The following B3GALT1 variants were observed in gnomAD, a reference collection of about 807,000 sequenced individuals.
B3GALT1 encodes the protein beta-1,3-galactosyltransferase 1, also known as UDP-Gal:betaGlcNAc beta 1,3-galactosyltransferase, polypeptide 1.
In B3GALT1, 10 loss-of-function variants were observed where a neutral mutation model predicts 23.2. The observed-to-expected ratio is 0.43, with a 90% CI of 0.27 to 0.73. B3GALT1 has a LOEUF of 0.73. Among genes scored for constraint, B3GALT1 ranks in the 30% least tolerant of loss-of-function variants. B3GALT1 has a pLI of 0.21. For missense variants in B3GALT1, 299 were observed against 405.4 expected, an observed-to-expected ratio of 0.74 and a Z score of 2.25; for synonymous variants, 156 against 141.5, an observed-to-expected ratio of 1.10 and a Z score of -0.73.
At chr2:167,507,913 A>G (rs890804296) in intron 2 of B3GALT1, among the ~76,000 whole-genome samples, 6 of 152,102 alleles carry the variant, frequency 3.9e-5, no homozygotes, top group Non-Finnish European at 8.8e-5. Flanking sequence ...TCAACAACTG[A>G]AATTTATTTC....
chr2:167,850,688 C>T (rs1689861881), intron 4 of B3GALT1, among the ~76,000 whole-genome samples: 1 of 152,084 alleles, frequency 6.6e-6, no homozygotes. Context: ...ATATTGGAGA[C>T]TATTATTCTA....
At chr2:167,687,075 G>A (rs188379625) in intron 3 of B3GALT1, among the ~76,000 whole-genome samples, 91 of 152,284 alleles carry the variant, frequency 6.0e-4, no homozygotes, top group African/African-American at 1.9e-3. Context: ...TTTAGGAGAA[G>A]CTCTCTAATT....
chr2:167,492,308 AAT>A (rs1699721294), intron 2 of B3GALT1, among the ~76,000 whole-genome samples: 1 of 152,198 alleles, frequency 6.6e-6, no homozygotes, highest in Non-Finnish European at 1.5e-5. Flanking sequence ...TCTGTGGCTT[AAT>A]AGCTCATTTC....
At chr2:167,514,070 C>A (rs1190376598) in intron 2 of B3GALT1, among the ~76,000 whole-genome samples, 1 of 152,058 alleles carries the variant, frequency 6.6e-6, no homozygotes, top group African/African-American at 2.4e-5. Flanking sequence ...CCACGCCCAG[C>A]TAATTTTTTT....
rs10522850 is a variant in B3GALT1 at position 167,625,942 on chromosome 2, C to CATATATAT, written c.-409-20930_-409-20923dup. On this transcript the variant is annotated intron_variant, in intron 2 of 4. Transcript: ENST00000392690. ...ATGACAGAAAAATCAATGACTAGGC[C>CATATATAT]ATATATATATATATATATATATATA... 3.8e-3 allele frequency among the ~76,000 whole-genome samples: 450 copies of CATATATAT among 118,092 alleles called. 3 individuals carry two copies. The highest frequency in any genetic ancestry group is 6.9e-3 in the African/African-American group (191 of 27,536). The allele number at this position is 118,092 out of a possible 152,430, so 77.5% of individuals were successfully genotyped here. A position where few individuals can be genotyped will look rare whatever the true frequency, so the allele number is the denominator to read the frequency against.
At chr2:167,837,369 G>A (rs1248358698) in intron 4 of B3GALT1, among the ~76,000 whole-genome samples, 1 of 148,976 alleles carries the variant, frequency 6.7e-6, no homozygotes, top group Non-Finnish European at 1.5e-5. Context: ...AAAGGCAGGG[G>A]TTGCAATCTA....
At chr2:167,664,833 A>G (rs1574198928) in intron 3 of B3GALT1, among the ~76,000 whole-genome samples, 1 of 151,050 alleles carries the variant, frequency 6.6e-6, no homozygotes, top group African/African-American at 2.4e-5. Flanking sequence ...ACTTTGCTGA[A>G]GTTGCTTATC....
chr2:167,329,325 A>G (rs1696939075), intron 1 of B3GALT1, among the ~76,000 whole-genome samples: 1 of 152,062 alleles, frequency 6.6e-6, no homozygotes, highest in African/African-American at 2.4e-5. Context: ...AAAGTTTTTG[A>G]TATTCAGTTT....
At chr2:167,852,067 CA>C (rs1173156738) in intron 4 of B3GALT1, among the ~76,000 whole-genome samples, 2 of 152,192 alleles carry the variant, frequency 1.3e-5, no homozygotes, top group Admixed American at 6.5e-5. Context: ...GCAATTTTGG[CA>C]GTGAAGTTAT....
intron 2 of B3GALT1, among the ~76,000 whole-genome samples, chr2:167,494,028 C>A (rs974355841): frequency 1.3e-5 from 2 of 151,984 alleles, no homozygotes; most frequent in South Asian, 4.1e-4. Context: ...ATAGGGAGAT[C>A]TGGGCTAAAT....
chr2:167,819,330 T>C (rs1050372133), intron 4 of B3GALT1, among the ~76,000 whole-genome samples: 5 of 152,228 alleles, frequency 3.3e-5, no homozygotes, highest in Middle Eastern at 3.2e-3. Context: ...TTACTTCAGT[T>C]GAAAATAATA....
At chr2:167,739,369 A>G (rs796136198) in intron 3 of B3GALT1, among the ~76,000 whole-genome samples, 10 of 152,292 alleles carry the variant, frequency 6.6e-5, no homozygotes, top group African/African-American at 2.4e-4. Flanking sequence ...TCCTTGGTCC[A>G]AGGAAAGAAA....
rs188708177 is a variant in B3GALT1, at chr2:167,737,284, C to T, written c.-351-81388C>T. Among the ~76,000 whole-genome samples the T allele has an allele frequency of 5.3e-5, 8 of 152,294 alleles. No individual in the cohort carries two copies. The East Asian group carries it at 7.7e-4, about 15-fold the overall frequency. On this transcript the variant is annotated intron_variant, in intron 3 of 4. Coordinates refer to ENST00000392690, the MANE Select transcript of B3GALT1 (RefSeq NM_020981.4). ...CTGGATGAGGAAACTGGTTTAATGA[C>T]ATTAGTTAATTTTCCTTTATCACAT...
intron 3 of B3GALT1, among the ~76,000 whole-genome samples, chr2:167,671,813 TAATAAA>T (rs1686330183): frequency 6.6e-6 from 1 of 151,944 alleles, no homozygotes. Context: ...AATTAGAGAC[TAATAAA>T]AATAAAAATG....
At chr2:167,740,031 C>G (rs1301872335) in intron 3 of B3GALT1, among the ~76,000 whole-genome samples, 1 of 151,104 alleles carries the variant, frequency 6.6e-6, no homozygotes, top group Non-Finnish European at 1.5e-5. Flanking sequence ...CCCAGGAGTT[C>G]AAGGCTGCAG....
chr2:167,483,709 A>G (rs1699588429), intron 1 of B3GALT1, among the ~76,000 whole-genome samples: 1 of 152,190 alleles, frequency 6.6e-6, no homozygotes, highest in African/African-American at 2.4e-5. Flanking sequence ...TACCATTTAT[A>G]TATAATTTAT....
intron 3 of B3GALT1, among the ~76,000 whole-genome samples, chr2:167,666,004 G>T (rs1253756779): frequency 6.6e-6 from 1 of 152,082 alleles, no homozygotes; most frequent in East Asian, 1.9e-4. Flanking sequence ...CCTTCTGCTA[G>T]CTTTTGAATG....
At chr2:167,541,271 G>A (rs923662511) in intron 2 of B3GALT1, among the ~76,000 whole-genome samples, 6 of 152,060 alleles carry the variant, frequency 3.9e-5, no homozygotes, top group South Asian at 4.2e-4. Context: ...TTAAAGATGC[G>A]GTTTCTTGCT....
intron 1 of B3GALT1, among the ~76,000 whole-genome samples, chr2:167,318,047 G>T (rs948456171): frequency 1.8e-4 from 27 of 152,078 alleles, no homozygotes; most frequent in Admixed American, 1.3e-3. Flanking sequence ...AAAATAAAGG[G>T]CCGGACGCGG....
Sources: allele counts gnomAD v4.1 joint callset (sites outside exome capture counted in the v4.1 genomes callset), GRCh38; gene constraint gnomAD v4.1.1; transcripts MANE v1.5; gene names NCBI Gene and HGNC (gene_info 2026-07-23, HGNC 2026-07-21).